Variants in DNAH3 observed in about 807,000 individuals in gnomAD.
The protein encoded by DNAH3 is axonemal beta dynein heavy chain 3.
A neutral mutation model predicts 432.5 loss-of-function variants in DNAH3; 332 were observed. The ratio of observed to expected loss-of-function variants is 0.77; its 90% CI spans 0.70 to 0.84. The LOEUF (loss-of-function observed/expected upper bound fraction) is 0.84. Ranked by LOEUF, DNAH3 falls within the 40% of genes least tolerant of loss-of-function variation. The probability of loss-of-function intolerance (pLI) is 0.00; values close to 1 mark genes in which losing one functional copy is unlikely to be tolerated. For missense variants in DNAH3, 4,861 were observed against 5,114.0 expected (o/e 0.95, Z 1.51); for synonymous variants, 1,956 against 1,900.2 (o/e 1.03, Z -0.76).
exon 48 of DNAH3, chr16:20,985,120 A>G: frequency 1.9e-6 from 3 of 1,614,140 alleles, no homozygotes; most frequent in Non-Finnish European, 2.5e-6. Context: ...AGTGACTTCA[A>G]CCTTCTCTCC....
rs545322093 is a variant in DNAH3, at chr16:20,968,665, T to C, written c.8458+1127A>G. ...GTATCCTCCTCTTTCTCTTTCTTTGTTCATCTGTCCCTCTCTCTCTCTTTC... is the reference window on the plus strand; with the variant it reads ...GTATCCTCCTCTTTCTCTTTCTTTGCTCATCTGTCCCTCTCTCTCTCTTTC... On this transcript the variant is annotated intron_variant, in intron 52 of 61. Transcript: ENST00000261383. Among the ~76,000 whole-genome samples, 276 of 151,820 alleles carry C rather than the reference T, an allele frequency of 1.8e-3. 4 individuals are homozygous for C. Among genetic ancestry groups the C allele is most frequent in the Non-Finnish European group, 2.4e-3 (162 of 67,838 alleles).
intron 44 of DNAH3, among the ~76,000 whole-genome samples, chr16:20,989,465 T>C (rs2086424108): frequency 1.3e-5 from 2 of 152,076 alleles, no homozygotes; most frequent in African/African-American, 2.4e-5. Flanking sequence ...TGTCGATTGG[T>C]GCACTCACAA....
chr16:20,992,368 T>G (rs1039502343), intron 44 of DNAH3, among the ~76,000 whole-genome samples: 2 of 152,194 alleles, frequency 1.3e-5, no homozygotes, highest in East Asian at 3.8e-4. Flanking sequence ...TTTTTTGAGA[T>G]GGAGTCTTGC....
exon 31 of DNAH3, chr16:21,049,606 C>G (rs747344807): frequency 4.7e-5 from 76 of 1,614,150 alleles, no homozygotes; most frequent in Non-Finnish European, 6.1e-5. Context: ...CGCCCATGCT[C>G]CAGCCTGTGC....
chr16:20,969,297 T>C (rs2085219716), intron 52 of DNAH3, among the ~76,000 whole-genome samples: 1 of 149,786 alleles, frequency 6.7e-6, no homozygotes. Context: ...TGTGCATGTG[T>C]GTGTGTGTGT....
chr16:21,125,198 C>A, exon 9 of DNAH3: 1 of 1,607,042 alleles, frequency 6.2e-7, no homozygotes, highest in Admixed American at 1.7e-5. Context: ...AAAAGGGAAA[C>A]GAGGTCCTCA....
intron 10 of DNAH3, chr16:21,120,981 T>A (rs2092326897): frequency 1.3e-6 from 1 of 742,634 alleles, no homozygotes; most frequent in Non-Finnish European, 2.4e-6. Context: ...ATGGAGTACT[T>A]AGAACCCTGT....
chr16:20,998,741 C>CAAA (rs57836728), intron 43 of DNAH3, among the ~76,000 whole-genome samples: 4 of 78,226 alleles, frequency 5.1e-5, no homozygotes, highest in African/African-American at 5.1e-5. Flanking sequence ...GACTCCGTCT[C>CAAA]AAAAAAAAAA....
chr16:21,098,848 T>C, intron 16 of DNAH3, 79 bp from the exon 17 acceptor site: 1 of 1,447,598 alleles, frequency 6.9e-7, no homozygotes, highest in Non-Finnish European at 9.3e-7. Context: ...CTTGCCCATA[T>C]TTAAGCCTGC....
intron 14 of DNAH3, 136 bp downstream of exon 14, chr16:21,111,490 A>T: frequency 2.4e-6 from 2 of 821,818 alleles, no homozygotes; most frequent in Non-Finnish European, 3.8e-6. Context: ...ATTCCTCACT[A>T]CCCTTACTTA....
At chr16:21,124,268 A>G (rs1479617985) in intron 9 of DNAH3, among the ~76,000 whole-genome samples, 1 of 152,246 alleles carries the variant, frequency 6.6e-6, no homozygotes, top group Non-Finnish European at 1.5e-5. Flanking sequence ...GATTGAAAAC[A>G]AACCTTTTCC....
intron 50 of DNAH3, 82 bp downstream of exon 50, chr16:20,979,248 A>T: frequency 7.4e-7 from 1 of 1,342,744 alleles, no homozygotes; most frequent in Non-Finnish European, 1.1e-6. Flanking sequence ...GTGTCCTCTT[A>T]ATTCCGCACC....
At chr16:21,098,181 G>A (rs954647546) in intron 17 of DNAH3, among the ~76,000 whole-genome samples, 2 of 152,154 alleles carry the variant, frequency 1.3e-5, no homozygotes, top group African/African-American at 4.8e-5. Flanking sequence ...GGTGGCTCAT[G>A]CCTGTAATCC....
At chr16:21,087,145 GCC>G in intron 18 of DNAH3, 85 bp from the exon 19 acceptor site, 1 of 1,150,818 alleles carries the variant, frequency 8.7e-7, no homozygotes, top group South Asian at 1.3e-5. Context: ...TTAGAGCTGT[GCC>G]TCCTGTCGTT....
At chr16:21,096,313 T>C (rs896830070) in intron 18 of DNAH3, among the ~76,000 whole-genome samples, 3 of 151,944 alleles carry the variant, frequency 2.0e-5, no homozygotes, top group Non-Finnish European at 4.4e-5. Context: ...TTATTTTTTG[T>C]AGAGACAGGG....
intron 19 of DNAH3, among the ~76,000 whole-genome samples, chr16:21,082,996 A>T (rs1008183401): frequency 7.8e-5 from 9 of 115,712 alleles, no homozygotes; most frequent in Non-Finnish European, 1.4e-4. Context: ...AATTTTTATT[A>T]TTTTTTAAAT....
At chr16:21,094,489 G>A (rs2091624003) in intron 18 of DNAH3, among the ~76,000 whole-genome samples, 2 of 152,040 alleles carry the variant, frequency 1.3e-5, no homozygotes, top group South Asian at 4.1e-4. Context: ...TGGCCAACAT[G>A]GTGAAACCCC....
At chr16:20,993,804 C>G (rs1447845486) in intron 44 of DNAH3, among the ~76,000 whole-genome samples, 3 of 152,126 alleles carry the variant, frequency 2.0e-5, no homozygotes, top group African/African-American at 7.2e-5. Context: ...CCACCTTAGC[C>G]TCCTGAGTAG....
intron 50 of DNAH3, among the ~76,000 whole-genome samples, chr16:20,976,051 T>A (rs1432325426): frequency 1.3e-5 from 2 of 150,442 alleles, no homozygotes; most frequent in South Asian, 2.1e-4. Context: ...GGCCAAGAAA[T>A]TTTTTTTTAA....
Sources: gnomAD v4.1 joint callset for allele counts (sites outside exome capture counted in the v4.1 genomes callset) on GRCh38, gnomAD v4.1.1 for gene constraint, MANE v1.5 for transcripts, NCBI Gene and HGNC (gene_info 2026-07-23, HGNC 2026-07-21) for gene names.